Variants in VSNL1 observed in about 807,000 individuals in gnomAD.
VSNL1 encodes visinin-like protein 1.
VSNL1 carries 6 observed loss-of-function variants against 20.4 expected under a neutral mutation model. That is an observed-to-expected ratio of 0.29 (90% CI 0.16 to 0.58). The LOEUF (loss-of-function observed/expected upper bound fraction) is 0.58. Among genes scored for constraint, VSNL1 ranks in the 20% least tolerant of loss-of-function variants. VSNL1 has a pLI of 0.90. For missense variants in VSNL1, 100 were observed against 234.5 expected (o/e 0.43, Z 3.75); for synonymous variants, 93 against 86.4 (o/e 1.08, Z -0.42).
At chr2:17,545,699 G>T (rs1367854211) in intron 1 of VSNL1, among the ~76,000 whole-genome samples, 2 of 152,096 alleles carry the variant, frequency 1.3e-5, no homozygotes, top group Non-Finnish European at 2.9e-5. Context: ...TTTACTAATG[G>T]AAGGGTCTTG....
chr2:17,559,747 G>A (rs1663770096), intron 1 of VSNL1, among the ~76,000 whole-genome samples: 2 of 152,048 alleles, frequency 1.3e-5, no homozygotes, highest in Non-Finnish European at 2.9e-5. Context: ...GTTTTCTCAG[G>A]AGTAGATACA....
Position 17,587,700 on chromosome 2 carries a change from G to A in VSNL1, c.-5-4370G>A, listed in dbSNP as rs1664508762. On this transcript the variant is annotated intron_variant, in intron 1 of 3. Coordinates refer to ENST00000295156, the MANE Select transcript of VSNL1 (RefSeq NM_003385.5). ...GCCTCTATTAGGAAAGCAGTGGGGT[G>A]CGAGAGAACTGCATGCATTCTTTAC... Among the ~76,000 whole-genome samples, 3 of 152,152 alleles carry A rather than the reference G, an allele frequency of 2.0e-5. No homozygotes were observed. In the South Asian group the frequency reaches 6.2e-4, roughly 32 times the overall value.
At chr2:17,582,013 C>T (rs944826053) in intron 1 of VSNL1, among the ~76,000 whole-genome samples, 3 of 152,074 alleles carry the variant, frequency 2.0e-5, no homozygotes, top group South Asian at 2.1e-4. Flanking sequence ...AAGAAGTAGC[C>T]GTACAGTGAA....
chr2:17,642,309 C>CTTTTTT (rs577471307), intron 2 of VSNL1, among the ~76,000 whole-genome samples: 13,516 of 92,778 alleles, frequency 0.15, 2,834 homozygotes, highest in Non-Finnish European at 0.22. Flanking sequence ...GTGAGCATTC[C>CTTTTTT]TTTTTTTTTT....
In VSNL1 at chr2:17,618,034, T is replaced by C. The variant is rs145982805; in HGVS notation, c.162+25798T>C. ...AGCAGCAGTACCCGGGGAAAGAATA[T>C]GGGGAGGGGGATAAGGGAAGTGTGA... On this transcript the variant is annotated intron_variant, in intron 2 of 3. Coordinates refer to ENST00000295156, the MANE Select transcript of VSNL1 (RefSeq NM_003385.5). Among the ~76,000 whole-genome samples the C allele has an allele frequency of 4.1e-3, 618 of 152,066 alleles. 2 individuals carry two copies. The highest frequency in any genetic ancestry group is 6.5e-3 in the Non-Finnish European group (442 of 67,974).
intron 2 of VSNL1, among the ~76,000 whole-genome samples, chr2:17,617,889 GCACACA>G (rs70961501): frequency 2.7e-5 from 4 of 149,660 alleles, no homozygotes; most frequent in Non-Finnish European, 6.0e-5. Flanking sequence ...ACATGCACGC[GCACACA>G]CACACACACA....
intron 2 of VSNL1, among the ~76,000 whole-genome samples, chr2:17,598,518 T>C (rs1664758710): frequency 6.6e-6 from 1 of 152,218 alleles, no homozygotes. Flanking sequence ...TCTGTATTCT[T>C]AGTAAGACCT....
At chr2:17,642,538 G>C (rs1391828579) in intron 2 of VSNL1, among the ~76,000 whole-genome samples, 1 of 152,054 alleles carries the variant, frequency 6.6e-6, no homozygotes, top group Non-Finnish European at 1.5e-5. Context: ...TCGATCTCTT[G>C]ACCTTGTGAT....
chr2:17,649,268 T>G lies in VSNL1; in HGVS notation c.163-142T>G, dbSNP rs1666070928. 1 of 761,544 alleles carries G rather than the reference T, an allele frequency of 1.3e-6. No individual in the cohort carries two copies. The highest frequency in any genetic ancestry group is 2.2e-6 in the Non-Finnish European group (1 of 453,076). The allele number at this position is 761,544 out of a possible 1,614,324, so 47.2% of individuals were successfully genotyped here. On this transcript the variant is annotated intron_variant, in intron 2 of 3. Transcript: ENST00000295156. The surrounding 1 kb of genome is among the most constrained non-coding windows in gnomAD (Gnocchi z 6.4). ...CTCCCCTAATGCCTGCCCTTGCCCT[T>G]GACAGTCAGGCCAAACTGCTCTCCA... is the stretch of plus-strand genomic sequence containing the variant.
chr2:17,602,891 G>A (rs79770253), intron 2 of VSNL1, among the ~76,000 whole-genome samples: 8,149 of 152,248 alleles, frequency 0.054, 252 homozygotes, highest in East Asian at 0.092. Context: ...AAAGGAGTCT[G>A]TAGCCAAGAG....
At chr2:17,578,025 C>A (rs1302229573) in intron 1 of VSNL1, among the ~76,000 whole-genome samples, 3 of 152,040 alleles carry the variant, frequency 2.0e-5, no homozygotes, top group Non-Finnish European at 4.4e-5. Flanking sequence ...GTGAGGTAAT[C>A]CATGAACACA....
At chr2:17,616,790 C>T (rs13401604) in intron 2 of VSNL1, among the ~76,000 whole-genome samples, 4,317 of 152,324 alleles carry the variant, frequency 0.028, 212 homozygotes, top group African/African-American at 0.098. Context: ...CAGAGCTATA[C>T]AGCCCCAGAA....
At chr2:17,591,975 G>T in intron 1 of VSNL1, 95 bp from the exon 2 acceptor site, 1 of 1,436,588 alleles carries the variant, frequency 7.0e-7, no homozygotes, top group South Asian at 1.3e-5. Flanking sequence ...AGGGAGTTCC[G>T]ACCATGGGAC....
chr2:17,549,584 G>T (rs1343190078), intron 1 of VSNL1, among the ~76,000 whole-genome samples: 1 of 152,116 alleles, frequency 6.6e-6, no homozygotes, highest in Non-Finnish European at 1.5e-5. Context: ...AGGGAGGATG[G>T]TTTAAATTTG....
intron 2 of VSNL1, among the ~76,000 whole-genome samples, chr2:17,619,320 A>G (rs1391248370): frequency 1.3e-5 from 2 of 152,142 alleles, no homozygotes; most frequent in Non-Finnish European, 2.9e-5. Flanking sequence ...ATAGGTAGAG[A>G]GCGGGCAATC....
At chr2:17,601,417 C>T (rs1664816992) in intron 2 of VSNL1, among the ~76,000 whole-genome samples, 1 of 151,738 alleles carries the variant, frequency 6.6e-6, no homozygotes, top group Admixed American at 6.6e-5. Flanking sequence ...GGGTGGATCA[C>T]CTGAAGTCAG....
intron 1 of VSNL1, among the ~76,000 whole-genome samples, chr2:17,564,788 TC>T (rs776049926): frequency 6.6e-6 from 1 of 152,088 alleles, no homozygotes; most frequent in African/African-American, 2.4e-5. Flanking sequence ...TCTAATGGAG[TC>T]GGACAAGTAA....
At chr2:17,626,344 C>G (rs1286575323) in intron 2 of VSNL1, among the ~76,000 whole-genome samples, 1 of 152,186 alleles carries the variant, frequency 6.6e-6, no homozygotes, top group African/African-American at 2.4e-5. Flanking sequence ...GAGCCAACTA[C>G]AGGCCAGTGA....
rs1232636250 is a variant in VSNL1, at chr2:17,578,570, GTGCCA to G, written c.-5-13499_-5-13495del. ...CAGAAGCATTTGTCATCCCCACAGG[GTGCCA>G]GAGGAAGCGGCACTTCCTCTCCTTC... On this transcript the variant is annotated intron_variant, in intron 1 of 3. Coordinates refer to ENST00000295156, the MANE Select transcript of VSNL1 (RefSeq NM_003385.5). Among the ~76,000 whole-genome samples the G allele has an allele frequency of 2.0e-5, 3 of 152,148 alleles. No individual in the cohort carries two copies. In the East Asian group the frequency reaches 5.8e-4, roughly 29 times the overall value.
Sources: allele counts gnomAD v4.1 joint callset (sites outside exome capture counted in the v4.1 genomes callset), GRCh38; gene constraint gnomAD v4.1.1; non-coding constraint Gnocchi (gnomAD v3.1); transcripts MANE v1.5; gene names NCBI Gene and HGNC (gene_info 2026-07-23, HGNC 2026-07-21).